Variants in FGF10 observed in about 807,000 individuals in gnomAD.
FGF10 encodes the protein FGF-10.
In FGF10, 2 loss-of-function variants were observed where a neutral mutation model predicts 19.8. The ratio of observed to expected loss-of-function variants is 0.10; its 90% CI spans 0.04 to 0.32. The LOEUF (loss-of-function observed/expected upper bound fraction) is 0.32, where lower values mean the gene tolerates loss of function less well. Ranked by LOEUF, FGF10 falls within the 10% of genes least tolerant of loss-of-function variation. The pLI is 1.00. For missense variants in FGF10, 191 were observed against 246.3 expected (o/e 0.78, Z 1.50); for synonymous variants, 112 against 94.0 (o/e 1.19, Z -1.10).
At position 44,314,574 on chromosome 5, in the gene FGF10, G is replaced by A. The variant is rs373283907; in HGVS notation, c.326-4044C>T. Among the ~76,000 whole-genome samples the A allele has an allele frequency of 2.0e-5, 3 of 152,100 alleles. No individual in the cohort carries two copies. The East Asian group carries it at 5.8e-4, about 29-fold the overall frequency. Reference sequence around the variant, plus strand: ...AAAATTTTGTGACTTGATAATCTCTGAGTGGAAATAACTTAGAAGTCACAA... The same window carrying A: ...AAAATTTTGTGACTTGATAATCTCTAAGTGGAAATAACTTAGAAGTCACAA... On this transcript the variant is annotated intron_variant, in intron 1 of 2. Coordinates refer to ENST00000264664, the MANE Select transcript of FGF10 (RefSeq NM_004465.2).
At chr5:44,387,912 C>T (rs912930079) in intron 1 of FGF10, among the ~76,000 whole-genome samples, 1 of 152,028 alleles carries the variant, frequency 6.6e-6, no homozygotes, top group Admixed American at 6.5e-5. Context: ...TTATTTTCAG[C>T]TTGAGGAGCC....
intron 1 of FGF10, among the ~76,000 whole-genome samples, chr5:44,385,783 T>C (rs1579949774): frequency 6.6e-6 from 1 of 152,180 alleles, no homozygotes; most frequent in East Asian, 1.9e-4. Context: ...TTAGACAATA[T>C]CTTAATGATA....
At chr5:44,355,144 T>C (rs558043785) in intron 1 of FGF10, among the ~76,000 whole-genome samples, 1 of 151,580 alleles carries the variant, frequency 6.6e-6, no homozygotes, top group East Asian at 2.0e-4. Flanking sequence ...TTCACTTGTA[T>C]TTAGAGTTGG....
intron 1 of FGF10, among the ~76,000 whole-genome samples, chr5:44,322,643 T>A (rs1446855821): frequency 6.6e-6 from 1 of 152,094 alleles, no homozygotes; most frequent in Non-Finnish European, 1.5e-5. Context: ...TGGATTAAAG[T>A]CAAGGCAGAA....
chr5:44,385,828 T>G (rs1742084765), intron 1 of FGF10, among the ~76,000 whole-genome samples: 1 of 152,178 alleles, frequency 6.6e-6, no homozygotes, highest in Non-Finnish European at 1.5e-5. Context: ...CAGCTGGAAA[T>G]CGTAGCAGCA....
chr5:44,348,500 C>G (rs1272431623), intron 1 of FGF10, among the ~76,000 whole-genome samples: 2 of 151,342 alleles, frequency 1.3e-5, no homozygotes, highest in Non-Finnish European at 3.0e-5. Flanking sequence ...GTTCACCAGA[C>G]CTTCTGAGTT....
At chr5:44,378,981 G>T (rs1435040825) in intron 1 of FGF10, among the ~76,000 whole-genome samples, 1 of 152,116 alleles carries the variant, frequency 6.6e-6, no homozygotes, top group Non-Finnish European at 1.5e-5. Flanking sequence ...GCCACATCCA[G>T]CCTCAATGTG....
chr5:44,304,879 C>G lies in FGF10; in HGVS notation c.*116G>C. On this transcript the variant is annotated 3_prime_UTR_variant, in exon 3 of 3. Transcript: ENST00000264664. ...CTTCAAAGGCTGGCTTTCTTTTAAG[C>G]AAGCAGACATCTGCAACGTGTCTTT... is the stretch of plus-strand genomic sequence containing the variant. 9.6e-7 allele frequency: 1 copy of G among 1,039,480 alleles called. No homozygotes were observed. The highest frequency in any genetic ancestry group is 1.3e-5 in the South Asian group (1 of 77,044). The allele number at this position is 1,039,480 out of a possible 1,614,324, so 64.4% of individuals were successfully genotyped here.
intron 1 of FGF10, among the ~76,000 whole-genome samples, chr5:44,337,400 T>C (rs1391075599): frequency 2.0e-5 from 3 of 152,136 alleles, no homozygotes; most frequent in Non-Finnish European, 2.9e-5. Flanking sequence ...TAACATTAAC[T>C]CACTAGTCCA....
At position 44,349,449 on chromosome 5, in the gene FGF10, T is replaced by TATATCAGA. The variant is rs1554038136; in HGVS notation, c.325+38908_325+38909insTCTGATAT. ...ATATATATATATATATATATATATA[T>TATATCAGA]ATATATATATATATATATATCAGAA... On this transcript the variant is annotated intron_variant, in intron 1 of 2. Coordinates refer to ENST00000264664, the MANE Select transcript of FGF10 (RefSeq NM_004465.2). 8.9e-4 allele frequency among the ~76,000 whole-genome samples: 14 copies of TATATCAGA among 15,784 alleles called. 1 individual carries two copies. The highest frequency in any genetic ancestry group is 1.6e-3 in the Non-Finnish European group (10 of 6,380). The allele number at this position is 15,784 out of a possible 152,430, so 10.4% of individuals were successfully genotyped here. A position where few individuals can be genotyped will look rare whatever the true frequency, so the allele number is the denominator to read the frequency against.
intron 1 of FGF10, among the ~76,000 whole-genome samples, chr5:44,382,244 A>G (rs1742001454): frequency 6.6e-6 from 1 of 152,166 alleles, no homozygotes; most frequent in South Asian, 2.1e-4. Flanking sequence ...TATTGTGCCA[A>G]TTAGAACACA....
Position 44,305,002 on chromosome 5 carries a change from T to G in FGF10, c.620A>C (p.His207Pro), listed in dbSNP as rs147715509. The G allele has an allele frequency of 1.7e-3, 2,780 of 1,613,888 alleles. 5 individuals are homozygous for G. The highest frequency in any genetic ancestry group is 2.1e-3 in the Non-Finnish European group (2,466 of 1,179,798). ...TSAHFLPMVV[H>P]S ...CACAAACGTTGCCTTCCTCTATGAG[T>G]GTACCACCATTGGAAGAAAGTGAGC... Residue 207 changes from histidine (H) to proline (P), a missense_variant, in exon 3 of 3, where the codon CAC (histidine) becomes CCC (proline). His to Pro is a moderately conservative substitution (Grantham distance 77). Around this residue, in one of 2 missense-constraint regions of FGF10, gnomAD observed 99 missense variants for 161.7 expected, o/e 0.61. Transcript: ENST00000264664.
intron 1 of FGF10, among the ~76,000 whole-genome samples, chr5:44,334,495 T>G (rs978709441): frequency 1.3e-5 from 2 of 152,124 alleles, no homozygotes; most frequent in Admixed American, 6.6e-5. Context: ...CAGGGAAATT[T>G]TTTTTTTATT....
intron 1 of FGF10, among the ~76,000 whole-genome samples, chr5:44,350,185 G>T (rs139865194): frequency 6.7e-5 from 10 of 150,324 alleles, no homozygotes; most frequent in African/African-American, 2.4e-4. Context: ...TATAATAAAT[G>T]TATATTATCT....
intron 1 of FGF10, among the ~76,000 whole-genome samples, chr5:44,354,991 T>G (rs946769582): frequency 6.6e-6 from 1 of 151,530 alleles, no homozygotes; most frequent in African/African-American, 2.4e-5. Flanking sequence ...AGCTAGACAG[T>G]GTTGATGTAA....
chr5:44,388,677 C>A lies in FGF10; in HGVS notation c.6G>T (p.Trp2Cys), dbSNP rs1347979233. The change falls in exon 1 of 3, where the codon TGG (tryptophan) becomes TGT (cysteine). Residue 2 changes from tryptophan (W) to cysteine (C), a missense_variant. Coordinates refer to ENST00000264664, the MANE Select transcript of FGF10 (RefSeq NM_004465.2). M[W>C]KWILTHCASA... is the part of the protein sequence containing the mutation. ...AGGCACAATGTGTCAGTATCCATTTCCACATTGTACTGAAACTCTCGGCAC... is the reference window on the plus strand; with the variant it reads ...AGGCACAATGTGTCAGTATCCATTTACACATTGTACTGAAACTCTCGGCAC... The A allele has an allele frequency of 6.2e-7, 1 of 1,613,990 alleles. No homozygotes were observed. The highest frequency in any genetic ancestry group is 2.2e-5 in the East Asian group (1 of 44,848).
At chr5:44,364,993 A>G (rs1391952998) in intron 1 of FGF10, among the ~76,000 whole-genome samples, 1 of 151,988 alleles carries the variant, frequency 6.6e-6, no homozygotes, top group East Asian at 1.9e-4. Context: ...TAAAAAATAT[A>G]TAGATAAAAA....
intron 1 of FGF10, among the ~76,000 whole-genome samples, chr5:44,362,822 C>T (rs1478386582): frequency 6.6e-6 from 1 of 151,610 alleles, no homozygotes; most frequent in African/African-American, 2.4e-5. Context: ...CTACCCTAAA[C>T]ACTCAGACCT....
At chr5:44,306,561 CT>C (rs1740081222) in intron 2 of FGF10, among the ~76,000 whole-genome samples, 2 of 152,316 alleles carry the variant, frequency 1.3e-5, no homozygotes, top group Admixed American at 6.5e-5. Context: ...GAGGACTGTA[CT>C]TGGCAGTTTC....
Sources: gnomAD v4.1 joint callset for allele counts (sites outside exome capture counted in the v4.1 genomes callset) on GRCh38, gnomAD v4.1.1 for gene constraint, gnomAD v4.1.1 regional missense constraint, MANE v1.5 for transcripts, NCBI Gene and HGNC (gene_info 2026-07-23, HGNC 2026-07-21) for gene names.